The following DOCK4 variants were observed in gnomAD, a reference collection of about 807,000 sequenced individuals.
DOCK4 encodes the protein dedicator of cytokinesis 4.
A neutral mutation model predicts 268.1 loss-of-function variants in DOCK4; 97 were observed. The ratio of observed to expected loss-of-function variants is 0.36; its 90% CI spans 0.31 to 0.43. DOCK4 has a LOEUF of 0.43. Ranked by LOEUF, DOCK4 falls within the 20% of genes least tolerant of loss-of-function variation. The pLI is 1.00. For missense variants in DOCK4, 2,145 were observed against 2,455.7 expected (o/e 0.87, Z 2.67); for synonymous variants, 954 against 887.2 (o/e 1.08, Z -1.34).
Position 111,728,427 on chromosome 7 carries a change from T to G in DOCK4, c.5775A>C (p.Leu1925=). The G allele has an allele frequency of 6.3e-7, 1 of 1,584,350 alleles. No homozygotes were observed. The highest frequency in any genetic ancestry group is 1.3e-5 in the African/African-American group (1 of 74,674). ...TGACGGGGATGGAGAGGCTGTGAGGTAGCGGGACGGGGCGCCGCAGAGTCC... is the reference window on the plus strand; with the variant it reads ...TGACGGGGATGGAGAGGCTGTGAGGGAGCGGGACGGGGCGCCGCAGAGTCC... ...YERTLRRPVP[L]PHSLSIPVTS... is the part of the protein sequence containing the mutation. Residue 1925 remains leucine (L), a synonymous_variant, in exon 53 of 53, where the codon CTA becomes CTC. Coordinates refer to ENST00000428084, the MANE Select transcript of DOCK4 (RefSeq NM_001363540.2).
intron 12 of DOCK4, 45 bp from the exon 13 acceptor site, chr7:111,915,949 A>G: frequency 6.3e-7 from 1 of 1,576,512 alleles, no homozygotes; most frequent in Non-Finnish European, 8.6e-7. Context: ...GAATAGAAAT[A>G]GAATAAAGAG....
intron 1 of DOCK4, among the ~76,000 whole-genome samples, chr7:112,112,792 C>G (rs2560656): frequency 0.3 from 45,429 of 152,088 alleles, 9,675 homozygotes; most frequent in African/African-American, 0.59. Flanking sequence ...AGAGGCCTCT[C>G]AATCTCATTG....
At chr7:112,090,957 C>T (rs183274130) in intron 1 of DOCK4, among the ~76,000 whole-genome samples, 1,831 of 152,230 alleles carry the variant, frequency 0.012, 17 homozygotes, top group Non-Finnish European at 0.017. Context: ...CCTGACTCTA[C>T]CGGGCTCACA....
intron 1 of DOCK4, among the ~76,000 whole-genome samples, chr7:112,054,071 C>T (rs1805607896): frequency 6.6e-6 from 1 of 152,122 alleles, no homozygotes; most frequent in African/African-American, 2.4e-5. Context: ...CTGGTAATCA[C>T]AGCACTTTGA....
intron 17 of DOCK4, among the ~76,000 whole-genome samples, chr7:111,874,882 A>C (rs544707688): frequency 2.6e-5 from 4 of 152,212 alleles, no homozygotes; most frequent in African/African-American, 9.7e-5. Context: ...TGAAATGCAA[A>C]TTTGCTCTAT....
intron 1 of DOCK4, among the ~76,000 whole-genome samples, chr7:112,116,275 T>G (rs1428787455): frequency 6.6e-6 from 1 of 152,190 alleles, no homozygotes; most frequent in East Asian, 1.9e-4. Context: ...TGTGACCCTT[T>G]GTGTCTGGCT....
chr7:112,165,655 A>G (rs1207514274), intron 1 of DOCK4, among the ~76,000 whole-genome samples: 1 of 151,922 alleles, frequency 6.6e-6, no homozygotes, highest in East Asian at 1.9e-4. Context: ...GATGATAACT[A>G]TTACTCCCTT....
Position 112,171,941 on chromosome 7 carries a change from A to C in DOCK4, c.37+34161T>G, listed in dbSNP as rs137954010. ...ATGGCTGTCCTCTTGCTGTGTCCTC[A>C]CATGGTCCTCCCTCTGTGCACACGC... is the stretch of plus-strand genomic sequence containing the variant. On this transcript the variant is annotated intron_variant, in intron 1 of 52. Coordinates refer to ENST00000428084, the MANE Select transcript of DOCK4 (RefSeq NM_001363540.2). Among the ~76,000 whole-genome samples, 173 of 152,124 alleles carry C rather than the reference A, an allele frequency of 1.1e-3. 1 individual carries two copies. Among genetic ancestry groups the C allele is most frequent in the Non-Finnish European group, 2.3e-3 (153 of 67,982 alleles).
intron 27 of DOCK4, among the ~76,000 whole-genome samples, chr7:111,818,628 G>A (rs924948107): frequency 2.6e-5 from 4 of 152,166 alleles, no homozygotes; most frequent in African/African-American, 9.7e-5. Context: ...GCTGCAGTAA[G>A]CTCCTAACTG....
At chr7:112,087,617 C>T (rs1809217269) in intron 1 of DOCK4, among the ~76,000 whole-genome samples, 1 of 151,954 alleles carries the variant, frequency 6.6e-6, no homozygotes, top group Admixed American at 6.6e-5. Context: ...TGAATTTTTT[C>T]CTTGAAGAAA....
At chr7:112,144,528 G>A (rs1456183840) in intron 1 of DOCK4, among the ~76,000 whole-genome samples, 1 of 152,148 alleles carries the variant, frequency 6.6e-6, no homozygotes, top group African/African-American at 2.4e-5. Context: ...CCAGGCAGAT[G>A]GCACTAGGCA....
At chr7:111,937,333 A>G (rs1357678196) in intron 11 of DOCK4, among the ~76,000 whole-genome samples, 4 of 152,180 alleles carry the variant, frequency 2.6e-5, no homozygotes, top group Non-Finnish European at 4.4e-5. Context: ...ACTGGTTAGT[A>G]TTACTCTTGA....
intron 1 of DOCK4, among the ~76,000 whole-genome samples, chr7:112,013,129 T>C (rs1801496629): frequency 6.6e-6 from 1 of 152,204 alleles, no homozygotes; most frequent in Admixed American, 6.5e-5. Flanking sequence ...CTGTATCAGC[T>C]CCAATCACTC....
chr7:112,071,137 C>T (rs1016689182), intron 1 of DOCK4, among the ~76,000 whole-genome samples: 1 of 152,184 alleles, frequency 6.6e-6, no homozygotes, highest in African/African-American at 2.4e-5. Context: ...ATTTGTTCTA[C>T]AAAATCATTT....
intron 7 of DOCK4, among the ~76,000 whole-genome samples, chr7:111,978,449 C>T (rs1041783574): frequency 6.6e-6 from 1 of 152,144 alleles, no homozygotes; most frequent in African/African-American, 2.4e-5. Context: ...CCAGGCTGGT[C>T]TTGAACTCCT....
At chr7:112,151,808 C>G (rs1322472270) in intron 1 of DOCK4, among the ~76,000 whole-genome samples, 4 of 149,108 alleles carry the variant, frequency 2.7e-5, no homozygotes. Flanking sequence ...TAATATGACC[C>G]AACCACCTAC....
intron 1 of DOCK4, among the ~76,000 whole-genome samples, chr7:112,050,885 T>C (rs1288781285): frequency 1.3e-5 from 2 of 152,310 alleles, no homozygotes; most frequent in Middle Eastern, 3.4e-3. Flanking sequence ...ATGTATTGTT[T>C]TTGTTTAGCT....
At chr7:111,810,391 G>A (rs577713729) in intron 28 of DOCK4, among the ~76,000 whole-genome samples, 1 of 152,074 alleles carries the variant, frequency 6.6e-6, no homozygotes, top group South Asian at 2.1e-4. Flanking sequence ...GGCAGAGGTT[G>A]CAGTGAGCCG....
chr7:112,102,965 G>A (rs1810825904), intron 1 of DOCK4, among the ~76,000 whole-genome samples: 2 of 152,128 alleles, frequency 1.3e-5, no homozygotes, highest in African/African-American at 2.4e-5. Flanking sequence ...AACTTTTAAA[G>A]TTATGAGTAA....
Sources: allele counts gnomAD v4.1 joint callset (sites outside exome capture counted in the v4.1 genomes callset), GRCh38; gene constraint gnomAD v4.1.1; transcripts MANE v1.5; gene names NCBI Gene and HGNC (gene_info 2026-07-23, HGNC 2026-07-21).